The following COL22A1 variants were observed in gnomAD, a reference collection of about 807,000 sequenced individuals.
COL22A1 encodes collagen type XXII alpha 1 chain.
Under a neutral mutation model 248.9 loss-of-function variants are expected in COL22A1, and 221 were observed. The ratio of observed to expected loss-of-function variants is 0.89; its 90% CI spans 0.80 to 0.99. The LOEUF (loss-of-function observed/expected upper bound fraction) is 0.99. Ranked by LOEUF, COL22A1 falls within the 50% of genes least tolerant of loss-of-function variation. The pLI, the probability that COL22A1 is intolerant of heterozygous loss-of-function variation, is 0.00. For synonymous variants in COL22A1, 891 were observed against 793.4 expected (o/e 1.12, Z -2.07); for missense variants, 2,240 against 2,179.0 (o/e 1.03, Z -0.56).
intron 55 of COL22A1, among the ~76,000 whole-genome samples, chr8:138,615,544 A>G (rs1341996536): frequency 1.3e-5 from 2 of 151,936 alleles, no homozygotes; most frequent in African/African-American, 2.4e-5. Flanking sequence ...AAAAAAAAAA[A>G]AAAATTTTTT....
chr8:138,594,743 G>A (rs1564074600), intron 62 of COL22A1, among the ~76,000 whole-genome samples: 1 of 152,220 alleles, frequency 6.6e-6, no homozygotes, highest in East Asian at 1.9e-4. Context: ...TAGTAGCATG[G>A]ACAGCAGTAG....
chr8:138,849,464 T>C (rs907565941), intron 3 of COL22A1, among the ~76,000 whole-genome samples: 3 of 152,352 alleles, frequency 2.0e-5, no homozygotes, highest in South Asian at 4.1e-4. Context: ...ATAAAGAAGT[T>C]AGTCAACTGC....
intron 16 of COL22A1, among the ~76,000 whole-genome samples, chr8:138,768,008 G>A (rs540265505): frequency 9.9e-5 from 15 of 152,218 alleles, no homozygotes; most frequent in Non-Finnish European, 1.8e-4. Context: ...GCCCCTTCGT[G>A]CCTTTGATGA....
At chr8:138,685,373 G>A in intron 37 of COL22A1, 61 bp from the exon 38 acceptor site, 2 of 1,401,850 alleles carry the variant, frequency 1.4e-6, no homozygotes, top group Non-Finnish European at 2.0e-6. Context: ...CTTTTCTATG[G>A]GGGAGCAGCT....
intron 49 of COL22A1, among the ~76,000 whole-genome samples, chr8:138,632,438 T>C (rs1350986123): frequency 6.6e-6 from 1 of 152,206 alleles, no homozygotes; most frequent in African/African-American, 2.4e-5. Flanking sequence ...CTTCCATGAA[T>C]ATAAGTGTCT....
chr8:138,649,265 G>A (rs1453368551), intron 46 of COL22A1, among the ~76,000 whole-genome samples: 1 of 152,196 alleles, frequency 6.6e-6, no homozygotes, highest in Non-Finnish European at 1.5e-5. Flanking sequence ...GGGATTGAAT[G>A]CATGCATGAA....
intron 35 of COL22A1, among the ~76,000 whole-genome samples, chr8:138,692,498 T>A (rs1177234155): frequency 6.8e-6 from 1 of 146,648 alleles, no homozygotes; most frequent in African/African-American, 2.5e-5. Context: ...TGTGTGTGTG[T>A]GTGTGTGTGT....
At chr8:138,611,907 T>G (rs1317161825) in intron 56 of COL22A1, among the ~76,000 whole-genome samples, 1 of 152,356 alleles carries the variant, frequency 6.6e-6, no homozygotes, top group Non-Finnish European at 1.5e-5. Context: ...TCAGAAAGTC[T>G]TGGTCTTAAA....
At chr8:138,845,230 A>G (rs1340286991) in intron 3 of COL22A1, among the ~76,000 whole-genome samples, 5 of 151,958 alleles carry the variant, frequency 3.3e-5, no homozygotes, top group Non-Finnish European at 7.3e-5. Context: ...AAAAGTTGGA[A>G]GAAGGGCAGG....
At chr8:138,881,910 C>A (rs1824242491) in intron 2 of COL22A1, among the ~76,000 whole-genome samples, 2 of 152,146 alleles carry the variant, frequency 1.3e-5, no homozygotes, top group African/African-American at 4.8e-5. Flanking sequence ...AGGGCAGGGG[C>A]CCTCATACAG....
At chr8:138,730,031 G>A (rs1453133969) in intron 23 of COL22A1, among the ~76,000 whole-genome samples, 1 of 152,224 alleles carries the variant, frequency 6.6e-6, no homozygotes, top group Non-Finnish European at 1.5e-5. Flanking sequence ...CCACGGCTAG[G>A]ATAGCTATTT....
chr8:138,798,945 C>G (rs372559382), intron 11 of COL22A1, among the ~76,000 whole-genome samples: 4 of 152,292 alleles, frequency 2.6e-5, no homozygotes, highest in Admixed American at 1.3e-4. Flanking sequence ...TTTCTCTCCT[C>G]TTCTGCTTTA....
chr8:138,629,777 A>AATGCCCTTCGCAC (rs1554724154), intron 50 of COL22A1, among the ~76,000 whole-genome samples: 2 of 151,192 alleles, frequency 1.3e-5, no homozygotes, highest in Non-Finnish European at 2.9e-5. Flanking sequence ...ATTAAGTAAT[A>AATGCCCTTCGCAC]ATGCCCTTTG....
At chr8:138,672,304 G>A (rs758473879) in intron 41 of COL22A1, among the ~76,000 whole-genome samples, 1 of 152,242 alleles carries the variant, frequency 6.6e-6, no homozygotes, top group Non-Finnish European at 1.5e-5. Context: ...AGGTAGACAT[G>A]GAGGCCTTTG....
intron 23 of COL22A1, among the ~76,000 whole-genome samples, chr8:138,730,782 G>A (rs1830653143): frequency 6.6e-6 from 1 of 151,890 alleles, no homozygotes; most frequent in Non-Finnish European, 1.5e-5. Flanking sequence ...AAAGTGGGGT[G>A]AGCTTGCTGT....
chr8:138,645,043 A>G (rs1015003455), intron 47 of COL22A1, among the ~76,000 whole-genome samples: 1 of 152,176 alleles, frequency 6.6e-6, no homozygotes, highest in African/African-American at 2.4e-5. Flanking sequence ...CATTCACATT[A>G]TAATTGAGCT....
intron 28 of COL22A1, 86 bp from the exon 29 acceptor site, chr8:138,716,375 C>A (rs1829432682): frequency 3.5e-6 from 3 of 869,326 alleles, no homozygotes; most frequent in Admixed American, 2.6e-5. Flanking sequence ...AGTTCCTGCT[C>A]TCCAGGAACT....
chr8:138,803,583 C>T (rs977042905), intron 10 of COL22A1, among the ~76,000 whole-genome samples: 4 of 151,972 alleles, frequency 2.6e-5, no homozygotes, highest in African/African-American at 9.7e-5. Context: ...GTCCCCTGGG[C>T]ATTCAATTTG....
At chr8:138,863,302 C>T (rs1404129852) in intron 3 of COL22A1, among the ~76,000 whole-genome samples, 3 of 152,130 alleles carry the variant, frequency 2.0e-5, no homozygotes, top group Non-Finnish European at 4.4e-5. Context: ...TTGCACAGGC[C>T]GGTTGTTTTT....
Sources: allele counts gnomAD v4.1 joint callset (sites outside exome capture counted in the v4.1 genomes callset), GRCh38; gene constraint gnomAD v4.1.1; transcripts MANE v1.5; gene names NCBI Gene and HGNC (gene_info 2026-07-23, HGNC 2026-07-21).